The following PVRIG variants were observed in gnomAD, a reference collection of about 807,000 sequenced individuals.
PVRIG encodes the protein PVR related immunoglobulin domain containing, also known as transmembrane protein PVRIG.
In PVRIG, 16 loss-of-function variants were observed where a neutral mutation model predicts 21.9. That is an observed-to-expected ratio of 0.73 (90% CI 0.50 to 1.11). PVRIG has a LOEUF of 1.11. Ranked by LOEUF, PVRIG falls within the 50% of genes most tolerant of loss-of-function variation. The pLI is 0.00. For synonymous variants in PVRIG, 190 were observed against 181.0 expected (o/e 1.05, Z -0.40); for missense variants, 435 against 445.7 (o/e 0.98, Z 0.22).
chr7:100,220,181 T>G, exon 3 of PVRIG: 1 of 1,599,250 alleles, frequency 6.3e-7, no homozygotes, highest in East Asian at 2.2e-5. Context: ...CCATCCGTTG[T>G]GGGTTCCTGG....
exon 6 of PVRIG, chr7:100,221,223 C>A (rs779122430): frequency 1.2e-6 from 2 of 1,601,378 alleles, no homozygotes; most frequent in Non-Finnish European, 1.7e-6. Flanking sequence ...GGGCCCAGGG[C>A]CATGGAAGGA....
In PVRIG at chr7:100,220,740, C is replaced by G. The variant is rs1457413062; in HGVS notation, c.597-20C>G. 6.2e-7 allele frequency: 1 copy of G among 1,606,682 alleles called. No individual in the cohort carries two copies. Among genetic ancestry groups the G allele is most frequent in the Non-Finnish European group, 8.5e-7 (1 of 1,179,948 alleles). ...GGCCACATGCCCTGCAGAGCTCTGACCATCCTTGCTCTCTCCCAGCCCTGC... is the reference window on the plus strand; with the variant it reads ...GGCCACATGCCCTGCAGAGCTCTGAGCATCCTTGCTCTCTCCCAGCCCTGC... On this transcript the variant is annotated intron_variant, in intron 4 of 5. Coordinates refer to ENST00000317271, the Ensembl canonical transcript of PVRIG.
At chr7:100,219,474 C>G (rs903667649) in intron 1 of PVRIG, 2 of 229,928 alleles carry the variant, frequency 8.7e-6, no homozygotes, top group African/African-American at 2.4e-5. Context: ...GGGAGGCCTG[C>G]ATTGCAGGTG....
At chr7:100,221,249 T>A in exon 6 of PVRIG, 1 of 1,563,106 alleles carries the variant, frequency 6.4e-7, no homozygotes, top group Non-Finnish European at 8.6e-7. Flanking sequence ...AGGAGTTCGA[T>A]GAGAGAGACC....
chr7:100,220,448 G>C (rs771112630), exon 3 of PVRIG: 1 of 1,609,702 alleles, frequency 6.2e-7, no homozygotes, highest in African/African-American at 1.3e-5. Context: ...GGAGCCTCCC[G>C]CCCAGCTCAG....
At chr7:100,220,555 G>A in exon 4 of PVRIG, 2 of 1,611,776 alleles carry the variant, frequency 1.2e-6, no homozygotes, top group Non-Finnish European at 1.7e-6. Context: ...AGGGCTCTCT[G>A]CCCCGCCGAC....
Position 100,220,155 on chromosome 7 carries a change from G to A in PVRIG, c.160G>A (p.Glu54Lys), listed in dbSNP as rs528886033. The A allele has an allele frequency of 1.1e-5, 18 of 1,598,590 alleles. No individual in the cohort carries two copies. The highest frequency in any genetic ancestry group is 2.7e-5 in the African/African-American group (2 of 74,884). The change falls in exon 3 of 6, where the codon GAG becomes AAG. Residue 54 changes from glutamate (E) to lysine (K), a missense_variant. Transcript: ENST00000317271. The stretch of plus-strand genomic sequence containing the variant: ...GGTTCAAGTTCGGATGGAGGCCACC[G>A]AGCTCTCGTCCTTCACCATCCGTTG...
chr7:100,220,052 G>A (rs775613723), intron 2 of PVRIG, 24 bp downstream of exon 1: 9 of 1,603,564 alleles, frequency 5.6e-6, no homozygotes, highest in Admixed American at 1.7e-5. Flanking sequence ...CCAGAGAGGG[G>A]CAGGGGCTGC....
At chr7:100,221,383 C>G (rs2307795) in exon 6 of PVRIG, 22 of 62,200 alleles carry the variant, frequency 3.5e-4, no homozygotes, top group Non-Finnish European at 6.5e-4. Context: ...GATGTGGTCT[C>G]TGTGTGTGCG....
chr7:100,221,416 T>A, exon 6 of PVRIG: 2 of 526,730 alleles, frequency 3.8e-6, no homozygotes, highest in Non-Finnish European at 6.5e-6. Flanking sequence ...GGTGTGAGTG[T>A]GTGAGTGACA....
chr7:100,221,133 T>C, exon 6 of PVRIG: 2 of 1,613,816 alleles, frequency 1.2e-6, no homozygotes, highest in Non-Finnish European at 8.5e-7. Context: ...TTTGTCTCTG[T>C]TGAGAATGGA....
chr7:100,220,841 G>A (rs1803189041), intron 5 of PVRIG, 21 bp downstream of exon 4: 1 of 1,607,232 alleles, frequency 6.2e-7, no homozygotes, highest in Non-Finnish European at 8.5e-7. Flanking sequence ...GACCTGCTTT[G>A]GGGATGAGGT....
chr7:100,220,382 C>A, exon 3 of PVRIG: 2 of 1,582,054 alleles, frequency 1.3e-6, no homozygotes, highest in Non-Finnish European at 1.7e-6. Context: ...CCTGCGCCAA[C>A]ACCACCTTCT....
chr7:100,221,238 T>A lies in PVRIG; in HGVS notation c.968T>A (p.Leu323Ter), dbSNP rs1478812165. 6.3e-7 allele frequency: 1 copy of A among 1,578,012 alleles called. No individual in the cohort carries two copies. Among genetic ancestry groups the A allele is most frequent in the Admixed American group, 1.8e-5 (1 of 56,590 alleles). ...GGGCCCAGGGCCATGGAAGGACCCT[T>A]AGGAGTTCGATGAGAGAGACCATGA... Residue 323 changes from leucine (L) to a stop codon, truncating the protein, a stop_gained, in exon 6 of 6, where the codon TTA becomes TAA. Coordinates refer to ENST00000317271, the Ensembl canonical transcript of PVRIG. LOFTEE classifies it high-confidence loss of function.
chr7:100,220,669 C>G, exon 4 of PVRIG: 2 of 1,610,990 alleles, frequency 1.2e-6, no homozygotes, highest in Non-Finnish European at 1.7e-6. Flanking sequence ...CCGACATAAG[C>G]ACCGGTGAGA....
exon 6 of PVRIG, chr7:100,221,211 G>C: frequency 1.2e-6 from 2 of 1,605,362 alleles, no homozygotes; most frequent in Non-Finnish European, 1.7e-6. Flanking sequence ...CCTGACCCTC[G>C]GGGGCCCAGG....
intron 3 of PVRIG, 41 bp from the exon 3 acceptor site, chr7:100,220,506 C>T (rs758387617): frequency 1.1e-5 from 17 of 1,611,386 alleles, no homozygotes; most frequent in Middle Eastern, 1.9e-4. Flanking sequence ...GGGAGGGGCT[C>T]GGGAACTGGC....
rs113779419 is a variant in PVRIG at position 100,220,557 on chromosome 7, C to G, written c.480C>G (p.Ala160=). 297 of 1,611,760 alleles carry G rather than the reference C, an allele frequency of 1.8e-4. 3 individuals carry two copies. The African/African-American group carries it at 2.8e-3, about 15-fold the overall frequency. The change falls in exon 4 of 6, where the codon GCC becomes GCG. Residue 160 remains alanine, a synonymous_variant. Coordinates refer to ENST00000317271, the Ensembl canonical transcript of PVRIG. ...TGTCTCCGTGCCCAGGGCTCTCTGC[C>G]CCGCCGACTCCTGCCCCCATTCTGC...
Position 100,220,828 on chromosome 7 carries a change from G to A in PVRIG, c.657+8G>A, listed in dbSNP as rs770058879. 2 of 1,607,614 alleles carry A rather than the reference G, an allele frequency of 1.2e-6. No individual in the cohort carries two copies. The highest frequency in any genetic ancestry group is 1.7e-5 in the Admixed American group (1 of 59,392). ...CCGAGAGCACGAGCATGGGTGAGGAGGGGACCTGCTTTGGGGATGAGGTGA... is the reference window on the plus strand; with the variant it reads ...CCGAGAGCACGAGCATGGGTGAGGAAGGGACCTGCTTTGGGGATGAGGTGA... On this transcript the variant is annotated splice_region_variant and intron_variant, in intron 5 of 5. Transcript: ENST00000317271.
Sources: gnomAD v4.1 joint callset for allele counts on GRCh38, gnomAD v4.1.1 for gene constraint, MANE v1.5 for transcripts, NCBI Gene and HGNC (gene_info 2026-07-23, HGNC 2026-07-21) for gene names.